Variants in GRIN3A observed in about 807,000 individuals in gnomAD.
GRIN3A encodes glutamate ionotropic receptor NMDA type subunit 3A.
A neutral mutation model predicts 92.4 loss-of-function variants in GRIN3A; 47 were observed. The observed-to-expected ratio is 0.51, with a 90% CI of 0.40 to 0.65. The LOEUF is 0.65. GRIN3A is among the 30% of genes least tolerant of loss of function. The pLI is 0.00. For missense variants in GRIN3A, 1,324 were observed against 1,393.1 expected (o/e 0.95, Z 0.79); for synonymous variants, 527 against 540.6 (o/e 0.97, Z 0.35).
chr9:101,704,876 G>A (rs1241436123), intron 1 of GRIN3A, among the ~76,000 whole-genome samples: 9 of 152,168 alleles, frequency 5.9e-5, no homozygotes, highest in Admixed American at 2.0e-4. Context: ...TATAGTGTGT[G>A]TATTGGGTTG....
intron 6 of GRIN3A, chr9:101,594,056 C>T (rs1828072707): frequency 4.8e-6 from 1 of 206,998 alleles, no homozygotes; most frequent in African/African-American, 2.3e-5. Flanking sequence ...CTCCCATATA[C>T]AAAATGATGA....
Position 101,692,344 on chromosome 9 carries a change from G to A in GRIN3A, c.700-5144C>T, listed in dbSNP as rs528507367. On this transcript the variant is annotated intron_variant, in intron 1 of 8. Transcript: ENST00000361820. ...TCAGCATGCAAGTTAAGGAATTCTTGGTGCCAACTCCTGGAGATCCCTCAT... is the reference window on the plus strand; with the variant it reads ...TCAGCATGCAAGTTAAGGAATTCTTAGTGCCAACTCCTGGAGATCCCTCAT... Among the ~76,000 whole-genome samples the A allele has an allele frequency of 2.6e-5, 4 of 152,188 alleles. No homozygotes were observed. In the East Asian group the frequency reaches 7.7e-4, roughly 29 times the overall value.
At chr9:101,628,187 C>T (rs772650959) in intron 4 of GRIN3A, 69 bp downstream of exon 4, 16 of 1,498,754 alleles carry the variant, frequency 1.1e-5, no homozygotes, top group African/African-American at 2.8e-5. Context: ...CTAACATATA[C>T]TGCGTCAGTA....
intron 6 of GRIN3A, among the ~76,000 whole-genome samples, chr9:101,612,873 C>G (rs561252815): frequency 3.4e-4 from 52 of 152,256 alleles, no homozygotes; most frequent in African/African-American, 1.2e-3. Flanking sequence ...TTTTCAGTTT[C>G]AAAAATCCAT....
At chr9:101,666,377 C>T (rs1327085759) in intron 3 of GRIN3A, among the ~76,000 whole-genome samples, 1 of 151,914 alleles carries the variant, frequency 6.6e-6, no homozygotes, top group Non-Finnish European at 1.5e-5. Flanking sequence ...TTACTCTTAG[C>T]AAACTAACAC....
chr9:101,640,448 T>C (rs1365680779), intron 3 of GRIN3A, among the ~76,000 whole-genome samples: 1 of 152,170 alleles, frequency 6.6e-6, no homozygotes, highest in African/African-American at 2.4e-5. Context: ...AAGTTTGCAG[T>C]TGAGATAAAT....
intron 2 of GRIN3A, among the ~76,000 whole-genome samples, chr9:101,683,965 A>G (rs530760726): frequency 6.6e-6 from 1 of 152,238 alleles, no homozygotes; most frequent in Non-Finnish European, 1.5e-5. Context: ...TCTACCATCT[A>G]TCCATTTCTT....
intron 1 of GRIN3A, among the ~76,000 whole-genome samples, chr9:101,711,557 T>G (rs1009589004): frequency 1.3e-5 from 2 of 152,206 alleles, no homozygotes; most frequent in African/African-American, 4.8e-5. Flanking sequence ...ACTGCAAGAC[T>G]GAAGGAAGAG....
At chr9:101,674,272 T>G (rs1370945656) in intron 2 of GRIN3A, among the ~76,000 whole-genome samples, 1 of 152,094 alleles carries the variant, frequency 6.6e-6, no homozygotes, top group African/African-American at 2.4e-5. Context: ...ATTTTTTTCC[T>G]TGCTAGTTAT....
chr9:101,709,171 C>T (rs796721348), intron 1 of GRIN3A, among the ~76,000 whole-genome samples: 1 of 151,916 alleles, frequency 6.6e-6, no homozygotes, highest in Non-Finnish European at 1.5e-5. Context: ...AGAGGCCGGA[C>T]ATGATAAAGG....
chr9:101,613,619 C>A, intron 5 of GRIN3A, 92 bp from the exon 6 acceptor site: 6 of 1,202,214 alleles, frequency 5.0e-6, no homozygotes, highest in Non-Finnish European at 6.1e-6. Context: ...GCCATCAGAC[C>A]AAAAAAAGGG....
intron 1 of GRIN3A, among the ~76,000 whole-genome samples, chr9:101,698,667 T>A (rs1755773999): frequency 1.3e-5 from 2 of 152,132 alleles, no homozygotes; most frequent in Admixed American, 1.3e-4. Flanking sequence ...ACACAAAGTT[T>A]ATTTATTTAT....
At chr9:101,655,697 C>A (rs745557758) in intron 3 of GRIN3A, among the ~76,000 whole-genome samples, 2 of 151,898 alleles carry the variant, frequency 1.3e-5, no homozygotes, top group Non-Finnish European at 2.9e-5. Flanking sequence ...ACAGCAGATG[C>A]ATTTTCTGCT....
Position 101,628,329 on chromosome 9 carries a change from T to G in GRIN3A, c.2425A>C (p.Ser809Arg). 2 of 1,613,912 alleles carry G rather than the reference T, an allele frequency of 1.2e-6. No homozygotes were observed. Residue 809 changes from serine (S) to arginine (R), a missense_variant, in exon 4 of 9, where the codon AGT becomes CGT. Coordinates refer to ENST00000361820, the MANE Select transcript of GRIN3A (RefSeq NM_133445.3). ...ATATATTCATGCATCTCTGGGAAACTTTGTCTCACATAATCTTCAGCACTG... is the reference window on the plus strand; with the variant it reads ...ATATATTCATGCATCTCTGGGAAACGTTGTCTCACATAATCTTCAGCACTG... ...ESSAEDYVRQ[S>R]FPEMHEYMRR... is the part of the protein sequence containing the mutation.
chr9:101,628,692 G>A (rs562939000), intron 3 of GRIN3A, among the ~76,000 whole-genome samples: 2 of 152,286 alleles, frequency 1.3e-5, no homozygotes, highest in East Asian at 3.9e-4. Context: ...AAATTGGCAT[G>A]TAGAATTAGT....
At chr9:101,610,574 C>CATCT (rs145593614) in intron 6 of GRIN3A, among the ~76,000 whole-genome samples, 22,463 of 139,340 alleles carry the variant, frequency 0.16, 1,660 homozygotes, top group East Asian at 0.19. Flanking sequence ...AGCTTGCATC[C>CATCT]ATCTATCTAT....
chr9:101,634,566 C>T (rs562845094), intron 3 of GRIN3A, among the ~76,000 whole-genome samples: 5 of 152,020 alleles, frequency 3.3e-5, no homozygotes, highest in Admixed American at 1.3e-4. Context: ...GGAGATTAAA[C>T]ACCTTGTCTA....
At position 101,618,240 on chromosome 9, in the gene GRIN3A, A is replaced by T. The variant is rs1828495358; in HGVS notation, c.2615-4713T>A. 2.5e-5 allele frequency among the ~76,000 whole-genome samples: 3 copies of T among 121,936 alleles called. No homozygotes were observed. The South Asian group carries it at 7.5e-4, about 31-fold the overall frequency. 80.0% of individuals were successfully genotyped at this position (121,936 alleles called of 152,430 possible). On this transcript the variant is annotated intron_variant, in intron 5 of 8. Coordinates refer to ENST00000361820, the MANE Select transcript of GRIN3A (RefSeq NM_133445.3). Reference sequence around the variant, plus strand: ...GTACAGCAAAAGAAACTACCATCAGAGTGACAGAGTGAACAGGCAACCTAC... The same window carrying T: ...GTACAGCAAAAGAAACTACCATCAGTGTGACAGAGTGAACAGGCAACCTAC...
chr9:101,584,804 C>T (rs140200746), intron 6 of GRIN3A, among the ~76,000 whole-genome samples: 2,475 of 152,312 alleles, frequency 0.016, 70 homozygotes, highest in Admixed American at 0.064. Flanking sequence ...TGCCCAAACC[C>T]TGCTTTGTAT....
Sources: allele counts gnomAD v4.1 joint callset (sites outside exome capture counted in the v4.1 genomes callset), GRCh38; gene constraint gnomAD v4.1.1; transcripts MANE v1.5; gene names NCBI Gene and HGNC (gene_info 2026-07-23, HGNC 2026-07-21).